Variants in CHD5 observed in about 807,000 individuals in gnomAD.
The protein encoded by CHD5 is chromodomain helicase DNA binding protein 5.
In CHD5, 69 loss-of-function variants were observed where a neutral mutation model predicts 230.3. The ratio of observed to expected loss-of-function variants is 0.30; its 90% CI spans 0.25 to 0.37. The LOEUF is 0.37. Among genes scored for constraint, CHD5 ranks in the 10% least tolerant of loss-of-function variants. The pLI, the probability that CHD5 is intolerant of heterozygous loss-of-function variation, is 1.00. For missense variants in CHD5, 1,827 were observed against 2,622.8 expected, an observed-to-expected ratio of 0.70 and a Z score of 6.63; for synonymous variants, 1,064 against 1,065.9, an observed-to-expected ratio of 1.00 and a Z score of 0.03.
Position 6,102,073 on chromosome 1 carries a change from C to T in CHD5, c.*3401G>A. On this transcript the variant is annotated 3_prime_UTR_variant, in exon 42 of 42. Coordinates refer to ENST00000262450, the MANE Select transcript of CHD5 (RefSeq NM_015557.3). Reference sequence around the variant, plus strand: ...GGGGTCGGCCCCCTCTTAGCTGGGCCTGGGCCGGTGGAGTCTGCTCCCTCC... The same window carrying T: ...GGGGTCGGCCCCCTCTTAGCTGGGCTTGGGCCGGTGGAGTCTGCTCCCTCC... The T allele has an allele frequency of 2.6e-6, 1 of 391,288 alleles. No individual in the cohort carries two copies. Among genetic ancestry groups the T allele is most frequent in the South Asian group, 1.8e-5 (1 of 55,420 alleles). The allele number at this position is 391,288 out of a possible 1,614,324, so 24.2% of individuals were successfully genotyped here. A position where few individuals can be genotyped will look rare whatever the true frequency, so the allele number is the denominator to read the frequency against.
At chr1:6,117,640 T>A (rs769134355) in intron 33 of CHD5, among the ~76,000 whole-genome samples, 15 of 152,344 alleles carry the variant, frequency 9.8e-5, no homozygotes, top group Non-Finnish European at 1.5e-4. Flanking sequence ...TGAAAGGACA[T>A]TTCTTCAACA....
At chr1:6,150,698 T>G (rs765225369) in intron 7 of CHD5, among the ~76,000 whole-genome samples, 3 of 151,996 alleles carry the variant, frequency 2.0e-5, no homozygotes, top group Admixed American at 6.6e-5. Flanking sequence ...GGGGGGTGAC[T>G]GAAGGGAGGA....
chr1:6,159,895 G>T (rs951735256), intron 2 of CHD5, among the ~76,000 whole-genome samples: 1 of 152,248 alleles, frequency 6.6e-6, no homozygotes, highest in Non-Finnish European at 1.5e-5. Flanking sequence ...GGACTTTGGG[G>T]GCTGAATTAG....
intron 38 of CHD5, among the ~76,000 whole-genome samples, chr1:6,107,134 T>C (rs12094320): frequency 0.19 from 21,414 of 110,234 alleles, 2,431 homozygotes; most frequent in East Asian, 0.4. Context: ...GGAGGGATAA[T>C]GTAGGGATAA....
Sources: gnomAD v4.1 joint callset for allele counts (sites outside exome capture counted in the v4.1 genomes callset) on GRCh38, gnomAD v4.1.1 for gene constraint, MANE v1.5 for transcripts, NCBI Gene and HGNC (gene_info 2026-07-23, HGNC 2026-07-21) for gene names.